The following SGIP1 variants were observed in gnomAD, a reference collection of about 807,000 sequenced individuals.
SGIP1 encodes SH3GL interacting endocytic adaptor 1.
In SGIP1, 38 loss-of-function variants were observed where a neutral mutation model predicts 107.5. That is an observed-to-expected ratio of 0.35 (90% confidence interval 0.27 to 0.46). The LOEUF (loss-of-function observed/expected upper bound fraction) is 0.46. SGIP1 is among the 20% of genes least tolerant of loss of function. The pLI is 1.00. For missense variants in SGIP1, 929 were observed against 1,019.5 expected, an observed-to-expected ratio of 0.91 and a Z score of 1.21; for synonymous variants, 365 against 366.1, an observed-to-expected ratio of 1.00 and a Z score of 0.03.
chr1:66,691,420 A>G (rs1272302255), intron 17 of SGIP1, among the ~76,000 whole-genome samples: 1 of 152,170 alleles, frequency 6.6e-6, no homozygotes, highest in African/African-American at 2.4e-5. Flanking sequence ...GTGCCTTTAT[A>G]TCTTTAATCA....
At chr1:66,736,867 T>A (rs1274679791) in intron 21 of SGIP1, among the ~76,000 whole-genome samples, 1 of 152,064 alleles carries the variant, frequency 6.6e-6, no homozygotes, top group South Asian at 2.1e-4. Context: ...GAAAACCATT[T>A]AAAGTGAAAT....
intron 8 of SGIP1, among the ~76,000 whole-genome samples, chr1:66,664,071 A>G (rs2082052737): frequency 1.3e-5 from 2 of 152,168 alleles, no homozygotes; most frequent in Non-Finnish European, 2.9e-5. Context: ...TTAAAAGTGA[A>G]TTGTTTGTCA....
chr1:66,542,046 T>G (rs918172613), intron 1 of SGIP1, among the ~76,000 whole-genome samples: 4 of 152,010 alleles, frequency 2.6e-5, no homozygotes, highest in Non-Finnish European at 5.9e-5. Flanking sequence ...TGTTCCAAGA[T>G]CCCCAGCGGA....
chr1:66,672,568 C>T (rs1376340346), intron 11 of SGIP1, among the ~76,000 whole-genome samples: 5 of 152,298 alleles, frequency 3.3e-5, no homozygotes, highest in Non-Finnish European at 1.5e-5. Context: ...CTCTTCACCC[C>T]TTGCCCGTTA....
At chr1:66,595,424 A>G (rs1222073028) in intron 1 of SGIP1, among the ~76,000 whole-genome samples, 1 of 152,194 alleles carries the variant, frequency 6.6e-6, no homozygotes, top group Non-Finnish European at 1.5e-5. Flanking sequence ...GGCCACAAAG[A>G]AGTCATCAGT....
At chr1:66,692,160 C>CAG (rs369711255) in intron 17 of SGIP1, among the ~76,000 whole-genome samples, 1 of 136,360 alleles carries the variant, frequency 7.3e-6, no homozygotes, top group Admixed American at 7.3e-5. Flanking sequence ...GACTCCATCT[C>CAG]AAAAAAAAAA....
At chr1:66,606,969 T>C (rs2066969785) in intron 1 of SGIP1, among the ~76,000 whole-genome samples, 4 of 152,210 alleles carry the variant, frequency 2.6e-5, no homozygotes, top group African/African-American at 9.6e-5. Flanking sequence ...TGCTATATGG[T>C]GTAAGACTTA....
chr1:66,679,617 G>A, intron 13 of SGIP1, 61 bp from the exon 14 acceptor site: 1 of 1,515,834 alleles, frequency 6.6e-7, no homozygotes, highest in Non-Finnish European at 8.9e-7. Context: ...CTTATTTAAA[G>A]TGTATTGTAT....
At chr1:66,588,387 A>T (rs1275047126) in intron 1 of SGIP1, among the ~76,000 whole-genome samples, 1 of 151,970 alleles carries the variant, frequency 6.6e-6, no homozygotes, top group African/African-American at 2.4e-5. Context: ...AAACAAAAAA[A>T]TATTAGAACT....
intron 5 of SGIP1, 136 bp from the exon 6 acceptor site, chr1:66,642,674 C>T: frequency 1.7e-6 from 1 of 605,732 alleles, no homozygotes; most frequent in Admixed American, 3.2e-5. Context: ...GCTCAGAATT[C>T]ACTTCCAAAA....
At chr1:66,670,188 TCC>T (rs1174026116) in intron 9 of SGIP1, among the ~76,000 whole-genome samples, 6 of 152,212 alleles carry the variant, frequency 3.9e-5, no homozygotes, top group African/African-American at 1.4e-4. Context: ...TCTGGTGGCA[TCC>T]CACACTAAGA....
intron 18 of SGIP1, among the ~76,000 whole-genome samples, chr1:66,708,494 C>T (rs1317803533): frequency 1.3e-5 from 2 of 152,116 alleles, no homozygotes; most frequent in East Asian, 1.9e-4. Flanking sequence ...TGTACATTCA[C>T]TTTTCTTTCA....
Position 66,744,147 on chromosome 1 carries a change from CAGA to C in SGIP1, c.*1055_*1057del, listed in dbSNP as rs1480774711. On this transcript the variant is annotated 3_prime_UTR_variant, in exon 25 of 25. Coordinates refer to ENST00000371037, the MANE Select transcript of SGIP1 (RefSeq NM_032291.4). Reference sequence around the variant, plus strand: ...GAAAAAAAAGTCCACTGTTTAGATCCAGAAGGAGAGTTTTAATCATTGTTTATA... The same window carrying C: ...GAAAAAAAAGTCCACTGTTTAGATCCAGGAGAGTTTTAATCATTGTTTATA... 1 of 152,024 alleles carries C rather than the reference CAGA, an allele frequency of 6.6e-6. No individual in the cohort carries two copies. The highest frequency in any genetic ancestry group is 2.4e-5 in the African/African-American group (1 of 41,408). The allele number at this position is 152,024 out of a possible 1,614,324, so 9.4% of individuals were successfully genotyped here.
At chr1:66,650,451 A>C (rs1011604407) in intron 7 of SGIP1, among the ~76,000 whole-genome samples, 17 of 152,266 alleles carry the variant, frequency 1.1e-4, no homozygotes, top group African/African-American at 3.1e-4. Context: ...GAACAGTCTG[A>C]GAAAACAACA....
chr1:66,654,212 G>A (rs551462398), intron 7 of SGIP1, among the ~76,000 whole-genome samples: 5 of 152,282 alleles, frequency 3.3e-5, no homozygotes, highest in African/African-American at 1.2e-4. Flanking sequence ...TATGGTCTCA[G>A]TTGCTTTGAT....
intron 18 of SGIP1, among the ~76,000 whole-genome samples, chr1:66,697,274 A>G (rs940918563): frequency 1.3e-5 from 2 of 152,214 alleles, no homozygotes; most frequent in African/African-American, 2.4e-5. Flanking sequence ...AAATGTGTGG[A>G]ATAACATATC....
At position 66,747,821 on chromosome 1, in the gene SGIP1, T is replaced by C. The variant is rs1572529062; in HGVS notation, c.*4726T>C. 1 of 152,020 alleles carries C rather than the reference T, an allele frequency of 6.6e-6. No individual in the cohort carries two copies. The highest frequency in any genetic ancestry group is 2.4e-5 in the African/African-American group (1 of 41,446). The allele number at this position is 152,020 out of a possible 1,614,324, so 9.4% of individuals were successfully genotyped here. ...AAGCTTTTCCTTTTCCAAAAGATTATACATTTGAGCAAAATCCCATTCAGT... is the reference window on the plus strand; with the variant it reads ...AAGCTTTTCCTTTTCCAAAAGATTACACATTTGAGCAAAATCCCATTCAGT... On this transcript the variant is annotated 3_prime_UTR_variant, in exon 25 of 25. Transcript: ENST00000371037.
At chr1:66,606,333 G>C (rs1350911726) in intron 1 of SGIP1, among the ~76,000 whole-genome samples, 1 of 152,168 alleles carries the variant, frequency 6.6e-6, no homozygotes, top group Non-Finnish European at 1.5e-5. Flanking sequence ...CACACAGTAG[G>C]AACTATGTCT....
chr1:66,728,821 G>A (rs1406009255), intron 19 of SGIP1, among the ~76,000 whole-genome samples: 2 of 152,148 alleles, frequency 1.3e-5, no homozygotes, highest in Non-Finnish European at 2.9e-5. Flanking sequence ...GATGGAACTG[G>A]AGGCCATTAT....
Sources: gnomAD v4.1 joint callset for allele counts (sites outside exome capture counted in the v4.1 genomes callset) on GRCh38, gnomAD v4.1.1 for gene constraint, MANE v1.5 for transcripts, NCBI Gene and HGNC (gene_info 2026-07-23, HGNC 2026-07-21) for gene names.